CD48: variants seen among roughly 807,000 people sequenced by gnomAD.
The protein encoded by CD48 is CD48 molecule, also known as CD48 antigen.
A neutral mutation model predicts 22.0 loss-of-function variants in CD48; 20 were observed. That is an observed-to-expected ratio of 0.91 (90% CI 0.64 to 1.32). The LOEUF (loss-of-function observed/expected upper bound fraction) is 1.32, where lower values mean the gene tolerates loss of function less well. Ranked by LOEUF, CD48 falls within the 40% of genes most tolerant of loss-of-function variation. The pLI is 0.00. For missense variants in CD48, 307 were observed against 286.5 expected (o/e 1.07, Z -0.52); for synonymous variants, 110 against 110.1 (o/e 1.00, Z 0.01).
intron 2 of CD48, 167 bp downstream of exon 2, chr1:160,684,720 C>A: frequency 6.4e-7 from 1 of 1,554,848 alleles, no homozygotes; most frequent in Non-Finnish European, 8.7e-7. Context: ...ATCTGTTGAC[C>A]TAGGCTCACT....
chr1:160,694,052 C>T (rs1662321124), intron 1 of CD48, among the ~76,000 whole-genome samples: 1 of 152,366 alleles, frequency 6.6e-6, no homozygotes, highest in East Asian at 1.9e-4. Flanking sequence ...GACTGTAGGA[C>T]TAATCTTGGG....
intron 1 of CD48, among the ~76,000 whole-genome samples, chr1:160,691,309 G>A (rs1283006346): frequency 2.6e-5 from 4 of 152,196 alleles, no homozygotes; most frequent in African/African-American, 7.2e-5. Context: ...GCAATGGAAT[G>A]TCTCGGTATA....
At chr1:160,711,548 T>C (rs1662947052) in intron 1 of CD48, 134 bp downstream of exon 1, 1 of 666,406 alleles carries the variant, frequency 1.5e-6, no homozygotes, top group Non-Finnish European at 2.7e-6. Flanking sequence ...GCCATGGCCA[T>C]GCTATTGGAA....
chr1:160,710,481 G>A (rs955825039), intron 1 of CD48, among the ~76,000 whole-genome samples: 4 of 152,176 alleles, frequency 2.6e-5, no homozygotes, highest in South Asian at 2.1e-4. Context: ...TGGTCTGATT[G>A]TTTCAAAGAA....
At chr1:160,711,116 G>A (rs948193182) in intron 1 of CD48, among the ~76,000 whole-genome samples, 7 of 152,156 alleles carry the variant, frequency 4.6e-5, no homozygotes, top group Non-Finnish European at 8.8e-5. Context: ...AATCAGATGT[G>A]TTAAGGTTCC....
chr1:160,685,218 C>T (rs564803872), intron 1 of CD48, 29 bp from the exon 2 acceptor site: 12 of 1,559,398 alleles, frequency 7.7e-6, no homozygotes, highest in South Asian at 7.1e-5. Context: ...GTGAGACCTG[C>T]GCTAGAGGAG....
intron 1 of CD48, among the ~76,000 whole-genome samples, chr1:160,696,327 C>A (rs147885738): frequency 0.12 from 12,393 of 107,046 alleles, no homozygotes; most frequent in South Asian, 0.2. Context: ...TTAAATATAG[C>A]ATGGACGATC....
chr1:160,700,559 G>C (rs1353691085), intron 1 of CD48, among the ~76,000 whole-genome samples: 2 of 152,098 alleles, frequency 1.3e-5, no homozygotes, highest in African/African-American at 4.8e-5. Context: ...AGCTGAAAAG[G>C]CTGAAATGGC....
chr1:160,703,977 G>T (rs1662714736), intron 1 of CD48, among the ~76,000 whole-genome samples: 1 of 152,012 alleles, frequency 6.6e-6, no homozygotes, highest in African/African-American at 2.4e-5. Context: ...ATTGGAGAGA[G>T]TAGATACATT....
intron 1 of CD48, among the ~76,000 whole-genome samples, chr1:160,709,958 A>T (rs1298591724): frequency 6.6e-6 from 1 of 152,204 alleles, no homozygotes; most frequent in East Asian, 1.9e-4. Context: ...CCTTCAGAAC[A>T]CAGTCACAGG....
intron 2 of CD48, chr1:160,684,671 A>G (rs1006718337): frequency 7.1e-7 from 1 of 1,402,734 alleles, no homozygotes; most frequent in African/African-American, 1.4e-5. Flanking sequence ...CACTAACTTC[A>G]GAAGAGGTGT....
chr1:160,686,471 AG>A (rs775950507), intron 1 of CD48: 5 of 152,242 alleles, frequency 3.3e-5, no homozygotes, highest in East Asian at 1.9e-4. Flanking sequence ...GGTAAGCCAA[AG>A]GGTGATTAAA....
intron 2 of CD48, among the ~76,000 whole-genome samples, chr1:160,681,935 G>T (rs1661821002): frequency 6.6e-6 from 1 of 152,138 alleles, no homozygotes; most frequent in South Asian, 2.1e-4. Flanking sequence ...GTCTGCGCGT[G>T]GCAAAGTCCT....
At chr1:160,708,794 T>C (rs572571069) in intron 1 of CD48, among the ~76,000 whole-genome samples, 300 of 152,294 alleles carry the variant, frequency 2.0e-3, no homozygotes, top group Non-Finnish European at 3.3e-3. Flanking sequence ...TTTGTGCCCC[T>C]TCACCTTGAA....
chr1:160,691,448 CAGCATTTA>C (rs1662214614), intron 1 of CD48, among the ~76,000 whole-genome samples: 1 of 152,204 alleles, frequency 6.6e-6, no homozygotes, highest in Non-Finnish European at 1.5e-5. Flanking sequence ...TCTAAAAGCA[CAGCATTTA>C]ATCCTTTACC....
rs116126372 is a variant in CD48 at position 160,698,311 on chromosome 1, G to A, written c.83-13122C>T. Reference sequence around the variant, plus strand: ...AAGGCATGTGGATCCCTGTGTCCACGGACCGACCGTGGGAGGCCTCGCCAT... The same window carrying A: ...AAGGCATGTGGATCCCTGTGTCCACAGACCGACCGTGGGAGGCCTCGCCAT... On this transcript the variant is annotated intron_variant, in intron 1 of 3. Transcript: ENST00000368046. 8.2e-3 allele frequency among the ~76,000 whole-genome samples: 1,243 copies of A among 152,216 alleles called. 18 individuals carry two copies. Among genetic ancestry groups the A allele is most frequent in the African/African-American group, 0.029 (1,190 of 41,516 alleles).
At chr1:160,702,799 A>T (rs1662675617) in intron 1 of CD48, among the ~76,000 whole-genome samples, 1 of 152,160 alleles carries the variant, frequency 6.6e-6, no homozygotes, top group Non-Finnish European at 1.5e-5. Flanking sequence ...TGCAGGCAAC[A>T]CCTCGTGATC....
At chr1:160,696,683 G>A (rs61801644) in intron 1 of CD48, among the ~76,000 whole-genome samples, 40,938 of 141,476 alleles carry the variant, frequency 0.29, 6,620 homozygotes, top group Non-Finnish European at 0.38. Context: ...TGGATGTCAC[G>A]CATGTACCTT....
At chr1:160,702,875 T>C (rs138593946) in intron 1 of CD48, among the ~76,000 whole-genome samples, 7,260 of 152,228 alleles carry the variant, frequency 0.048, 257 homozygotes, top group African/African-American at 0.098. Context: ...TTTCAAAAGC[T>C]AACATATAAA....
Sources: gnomAD v4.1 joint callset for allele counts (sites outside exome capture counted in the v4.1 genomes callset) on GRCh38, gnomAD v4.1.1 for gene constraint, MANE v1.5 for transcripts, NCBI Gene and HGNC (gene_info 2026-07-23, HGNC 2026-07-21) for gene names.